The following HTR1F variants were observed in gnomAD, a reference collection of about 807,000 sequenced individuals.
HTR1F encodes 5-hydroxytryptamine receptor 1F.
HTR1F carries 17 observed loss-of-function variants against 24.0 expected under a neutral mutation model. The observed-to-expected ratio is 0.71, with a 90% CI of 0.48 to 1.06. The LOEUF is 1.06. Ranked by LOEUF, HTR1F falls within the 50% of genes least tolerant of loss-of-function variation. The pLI, the probability that HTR1F is intolerant of heterozygous loss-of-function variation, is 0.00. For synonymous variants in HTR1F, 186 were observed against 156.8 expected, an observed-to-expected ratio of 1.19 and a Z score of -1.39; for missense variants, 391 against 427.8, an observed-to-expected ratio of 0.91 and a Z score of 0.76.
chr3:87,887,642 C>G (rs565779332), intron 2 of HTR1F, among the ~76,000 whole-genome samples: 1 of 152,028 alleles, frequency 6.6e-6, no homozygotes, highest in Non-Finnish European at 1.5e-5. Flanking sequence ...GAAAACAACC[C>G]AATCAAAAAG....
At chr3:87,920,213 G>T (rs1174281684) in intron 2 of HTR1F, among the ~76,000 whole-genome samples, 1 of 151,770 alleles carries the variant, frequency 6.6e-6, no homozygotes, top group African/African-American at 2.4e-5. Flanking sequence ...GGATGCAAAG[G>T]CATAAGAATG....
intron 1 of HTR1F, among the ~76,000 whole-genome samples, chr3:87,808,052 G>C (rs1575891975): frequency 1.3e-5 from 2 of 151,774 alleles, no homozygotes; most frequent in East Asian, 3.9e-4. Context: ...CTGTACCTAT[G>C]TTCATCAGGT....
chr3:87,921,370 AT>A (rs1456543224), intron 2 of HTR1F, among the ~76,000 whole-genome samples: 1 of 151,958 alleles, frequency 6.6e-6, no homozygotes, highest in African/African-American at 2.4e-5. Context: ...CTAATGGATT[AT>A]TGTATAGTTT....
In HTR1F at chr3:87,905,265, A is replaced by G. The variant is rs577102905; in HGVS notation, c.-43+83141A>G. ...TTCAAGGCTGCAGTGAGCTATGATC[A>G]CGCCAGTGCCACTCTAGCTTGGGCA... On this transcript the variant is annotated intron_variant, in intron 2 of 2. Coordinates refer to ENST00000319595, the MANE Select transcript of HTR1F (RefSeq NM_001322209.2). Among the ~76,000 whole-genome samples the G allele has an allele frequency of 3.3e-5, 5 of 152,104 alleles. 1 individual carries two copies. In the East Asian group the frequency reaches 9.7e-4, roughly 29 times the overall value.
rs372432124 is a variant in HTR1F, at chr3:87,926,498, G to A, written c.-42-64210G>A. ...GTCCCCTAATCTGTGAGCCTATTTT[G>A]ATGAGATATTGTTCATTAATCTTTG... On this transcript the variant is annotated intron_variant, in intron 2 of 2. Transcript: ENST00000319595. 1.2e-3 allele frequency among the ~76,000 whole-genome samples: 183 copies of A among 152,196 alleles called. 2 individuals carry two copies. The Middle Eastern group carries it at 0.027, about 23-fold the overall frequency.
Position 87,945,711 on chromosome 3 carries a change from C to T in HTR1F, c.-42-44997C>T, listed in dbSNP as rs190562389. Among the ~76,000 whole-genome samples the T allele has an allele frequency of 3.9e-5, 6 of 152,254 alleles. No homozygotes were observed. In the East Asian group the frequency reaches 1.2e-3, roughly 29 times the overall value. On this transcript the variant is annotated intron_variant, in intron 2 of 2. Transcript: ENST00000319595. ...AAGACTCACACCTGAGTCTTAAGTC[C>T]AGCAGCCACGCTAATCGTTTTTAAC...
intron 2 of HTR1F, among the ~76,000 whole-genome samples, chr3:87,956,845 C>G (rs1209683648): frequency 6.6e-6 from 1 of 151,332 alleles, no homozygotes; most frequent in African/African-American, 2.4e-5. Flanking sequence ...GTAAAATTCG[C>G]TTACTTTAAT....
At chr3:87,820,401 C>T (rs1435941137) in intron 1 of HTR1F, among the ~76,000 whole-genome samples, 3 of 151,850 alleles carry the variant, frequency 2.0e-5, no homozygotes, top group African/African-American at 7.3e-5. Context: ...TGGTCTCGAT[C>T]TCCTGACCTC....
intron 2 of HTR1F, among the ~76,000 whole-genome samples, chr3:87,842,621 AG>A (rs1368034627): frequency 6.6e-6 from 1 of 151,978 alleles, no homozygotes; most frequent in Non-Finnish European, 1.5e-5. Flanking sequence ...AAATTGTTAA[AG>A]TCATAGAAAT....
At chr3:87,956,922 G>C (rs1704956792) in intron 2 of HTR1F, among the ~76,000 whole-genome samples, 1 of 151,112 alleles carries the variant, frequency 6.6e-6, no homozygotes, top group Non-Finnish European at 1.5e-5. Context: ...TGGAGACAGT[G>C]TTATCTTTTT....
At chr3:87,893,839 AC>A (rs967708643) in intron 2 of HTR1F, among the ~76,000 whole-genome samples, 14 of 152,308 alleles carry the variant, frequency 9.2e-5, no homozygotes, top group African/African-American at 3.4e-4. Context: ...TTATAATGCT[AC>A]ATAAGTAAAG....
intron 2 of HTR1F, among the ~76,000 whole-genome samples, chr3:87,888,336 G>A (rs773241130): frequency 2.6e-5 from 4 of 152,144 alleles, no homozygotes; most frequent in Admixed American, 1.3e-4. Context: ...GGGTCTGGAG[G>A]AGGGATAGCA....
chr3:87,822,849 T>C (rs1414130253), intron 2 of HTR1F, among the ~76,000 whole-genome samples: 1 of 152,186 alleles, frequency 6.6e-6, no homozygotes, highest in Non-Finnish European at 1.5e-5. Context: ...TGCCCTAATA[T>C]CTTTATTCAG....
intron 2 of HTR1F, among the ~76,000 whole-genome samples, chr3:87,832,733 CATT>C (rs916357975): frequency 1.3e-5 from 2 of 152,216 alleles, no homozygotes; most frequent in Non-Finnish European, 2.9e-5. Flanking sequence ...CAAGCTGTGT[CATT>C]GTCAGACAGC....
chr3:87,931,419 G>A (rs1319325642), intron 2 of HTR1F, among the ~76,000 whole-genome samples: 15 of 152,162 alleles, frequency 9.9e-5, no homozygotes, highest in Non-Finnish European at 7.3e-5. Flanking sequence ...TGGTGTATAT[G>A]TGCCACATTT....
At chr3:87,987,136 AAATAAAATAG>A (rs1475676527) in intron 2 of HTR1F, among the ~76,000 whole-genome samples, 1 of 103,988 alleles carries the variant, frequency 9.6e-6, no homozygotes, top group Non-Finnish European at 2.1e-5. Context: ...AAATAAAATA[AAATAAAATAG>A]ATAAACAAAT....
At chr3:87,886,633 T>C (rs1299330031) in intron 2 of HTR1F, among the ~76,000 whole-genome samples, 5 of 152,058 alleles carry the variant, frequency 3.3e-5, no homozygotes. Flanking sequence ...GATAAGCAAC[T>C]CAGCAAAGTC....
chr3:87,986,604 A>C (rs1389975997), intron 2 of HTR1F, among the ~76,000 whole-genome samples: 1 of 152,218 alleles, frequency 6.6e-6, no homozygotes, highest in Non-Finnish European at 1.5e-5. Context: ...ATTTTGCTAC[A>C]TAATTAACTT....
At chr3:87,894,845 G>T (rs1471248544) in intron 2 of HTR1F, among the ~76,000 whole-genome samples, 1 of 152,018 alleles carries the variant, frequency 6.6e-6, no homozygotes, top group Non-Finnish European at 1.5e-5. Context: ...AAAGCCACTA[G>T]CAAATAAGAA....
Sources: allele counts gnomAD v4.1 joint callset (sites outside exome capture counted in the v4.1 genomes callset), GRCh38; gene constraint gnomAD v4.1.1; transcripts MANE v1.5; gene names NCBI Gene and HGNC (gene_info 2026-07-23, HGNC 2026-07-21).